The following KCNK2 variants were observed in gnomAD, a reference collection of about 807,000 sequenced individuals.
KCNK2 encodes potassium two pore domain channel subfamily K member 2, also known as potassium channel subfamily K member 2.
A neutral mutation model predicts 40.5 loss-of-function variants in KCNK2; 21 were observed. That is an observed-to-expected ratio of 0.52 (90% CI 0.37 to 0.75). KCNK2 has a LOEUF of 0.75. Among genes scored for constraint, KCNK2 ranks in the 30% least tolerant of loss-of-function variants. The probability of loss-of-function intolerance (pLI) is 0.00; values close to 1 mark genes in which losing one functional copy is unlikely to be tolerated. For missense variants in KCNK2, 399 were observed against 531.6 expected, an observed-to-expected ratio of 0.75 and a Z score of 2.45; for synonymous variants, 191 against 202.2, an observed-to-expected ratio of 0.94 and a Z score of 0.47.
intron 4 of KCNK2, among the ~76,000 whole-genome samples, chr1:215,171,359 T>C (rs755915767): frequency 3.3e-5 from 5 of 152,122 alleles, no homozygotes; most frequent in Non-Finnish European, 7.4e-5. Context: ...TTGTTAGTTA[T>C]ACAATTTAGT....
At chr1:215,046,494 T>G (rs1404535781) in intron 1 of KCNK2, among the ~76,000 whole-genome samples, 1 of 152,094 alleles carries the variant, frequency 6.6e-6, no homozygotes, top group African/African-American at 2.4e-5. Flanking sequence ...ATACTCATTT[T>G]GTTGCTTGTA....
At chr1:215,083,753 C>T (rs1659293064) in intron 1 of KCNK2, 1 of 446,944 alleles carries the variant, frequency 2.2e-6, no homozygotes. Context: ...TCATGGTGAC[C>T]CCGGTCACAC....
At chr1:215,038,452 CCCCT>C (rs1657458125) in intron 1 of KCNK2, among the ~76,000 whole-genome samples, 1 of 152,082 alleles carries the variant, frequency 6.6e-6, no homozygotes, top group Admixed American at 6.6e-5. Context: ...CAGGGAGTAG[CCCCT>C]TCCATTTTCT....
At chr1:215,032,060 A>G (rs1571859142) in intron 1 of KCNK2, among the ~76,000 whole-genome samples, 3 of 151,288 alleles carry the variant, frequency 2.0e-5, no homozygotes, top group East Asian at 3.9e-4. Context: ...TATTGATGCT[A>G]TTATTATTTT....
chr1:215,181,488 C>G (rs1375433000), intron 5 of KCNK2, among the ~76,000 whole-genome samples: 1 of 152,178 alleles, frequency 6.6e-6, no homozygotes, highest in Non-Finnish European at 1.5e-5. Flanking sequence ...ACTGCCACTT[C>G]TAATTATTGT....
chr1:215,045,101 G>A (rs534781767), intron 1 of KCNK2, among the ~76,000 whole-genome samples: 98 of 151,916 alleles, frequency 6.5e-4, no homozygotes, highest in African/African-American at 2.2e-3. Flanking sequence ...GGAGAATGGC[G>A]TGAACCCAGG....
chr1:215,082,870 A>C lies in KCNK2; in HGVS notation c.-516A>C, dbSNP rs1448257665. Among the ~76,000 whole-genome samples, 1 of 151,832 alleles carries C rather than the reference A, an allele frequency of 6.6e-6. No homozygotes were observed. Among genetic ancestry groups the C allele is most frequent in the Admixed American group, 6.6e-5 (1 of 15,264 alleles). On this transcript the variant is annotated 5_prime_UTR_variant, in exon 1 of 7. Coordinates refer to ENST00000444842, the MANE Select transcript of KCNK2 (RefSeq NM_001017425.3). The stretch of plus-strand genomic sequence containing the variant: ...GGGCATTGCGGGGGGAGACACACAA[A>C]GACATGCGAAGAGGGGCTGAACGAG...
intron 1 of KCNK2, among the ~76,000 whole-genome samples, chr1:215,041,491 C>A (rs2102492740): frequency 6.6e-6 from 1 of 152,256 alleles, no homozygotes; most frequent in East Asian, 1.9e-4. Flanking sequence ...GCCAACTTAA[C>A]TTTTTCCTAA....
intron 5 of KCNK2, among the ~76,000 whole-genome samples, chr1:215,177,746 T>C (rs1291387878): frequency 8.6e-6 from 1 of 116,566 alleles, no homozygotes; most frequent in South Asian, 2.4e-4. Flanking sequence ...ATATATTTTT[T>C]TTTTTTGTAG....
At chr1:215,057,582 A>G (rs1184877631) in intron 1 of KCNK2, among the ~76,000 whole-genome samples, 1 of 152,168 alleles carries the variant, frequency 6.6e-6, no homozygotes, top group African/African-American at 2.4e-5. Context: ...TTTCTGCTTG[A>G]ATAGTCTATA....
intron 2 of KCNK2, among the ~76,000 whole-genome samples, chr1:215,113,853 C>A (rs1660808799): frequency 1.3e-5 from 2 of 152,146 alleles, no homozygotes; most frequent in Non-Finnish European, 2.9e-5. Flanking sequence ...AACTCGGCCT[C>A]CCAAAATGCT....
At chr1:215,024,896 C>A (rs1221431153) in intron 1 of KCNK2, among the ~76,000 whole-genome samples, 5 of 150,660 alleles carry the variant, frequency 3.3e-5, no homozygotes, top group Admixed American at 2.0e-4. Context: ...TCTTCTTGCT[C>A]AAACAAATAT....
intron 1 of KCNK2, among the ~76,000 whole-genome samples, chr1:215,006,506 C>T (rs1656133276): frequency 6.6e-6 from 1 of 152,068 alleles, no homozygotes; most frequent in South Asian, 2.1e-4. Context: ...GTTCTTTTTA[C>T]ATTTCCATAG....
chr1:215,066,403 C>T (rs55922125), intron 1 of KCNK2, among the ~76,000 whole-genome samples: 1,761 of 152,082 alleles, frequency 0.012, 38 homozygotes, highest in South Asian at 0.097. Context: ...ATTTTGGCTA[C>T]TGAACGTAAC....
chr1:215,012,447 A>G (rs1239853787), intron 1 of KCNK2, among the ~76,000 whole-genome samples: 1 of 151,000 alleles, frequency 6.6e-6, no homozygotes, highest in Non-Finnish European at 1.5e-5. Context: ...CTTTAGTAAA[A>G]TATCTGTTCA....
intron 5 of KCNK2, among the ~76,000 whole-genome samples, chr1:215,192,664 A>G (rs1312126214): frequency 6.6e-6 from 1 of 152,218 alleles, no homozygotes; most frequent in African/African-American, 2.4e-5. Context: ...ACTATCATGT[A>G]ACAGGTTTAC....
intron 2 of KCNK2, among the ~76,000 whole-genome samples, chr1:215,118,550 C>T (rs761050282): frequency 9.0e-5 from 13 of 144,274 alleles, no homozygotes; most frequent in South Asian, 8.5e-4. Flanking sequence ...TGGCTTCCCC[C>T]GCAAAGAAAT....
In KCNK2 at chr1:215,099,594, G is replaced by C. The variant is rs141533625; in HGVS notation, c.357+12916G>C. Among the ~76,000 whole-genome samples the C allele has an allele frequency of 3.9e-3, 600 of 152,050 alleles. 5 individuals are homozygous for C. Among genetic ancestry groups the C allele is most frequent in the Middle Eastern group, 0.01 (3 of 294 alleles). ...AATGTGTAATGTATTCTTTGGTGAT[G>C]CGGCAGTGAAGGAAAGCTTAGGGAA... is the stretch of plus-strand genomic sequence containing the variant. On this transcript the variant is annotated intron_variant, in intron 2 of 6. Transcript: ENST00000444842.
intron 1 of KCNK2, among the ~76,000 whole-genome samples, chr1:215,052,567 C>T (rs138297894): frequency 2.6e-5 from 4 of 152,262 alleles, no homozygotes; most frequent in African/African-American, 9.6e-5. Context: ...TGTATGCTCA[C>T]ATTTTTTGGT....
Sources: gnomAD v4.1 joint callset for allele counts (sites outside exome capture counted in the v4.1 genomes callset) on GRCh38, gnomAD v4.1.1 for gene constraint, MANE v1.5 for transcripts, NCBI Gene and HGNC (gene_info 2026-07-23, HGNC 2026-07-21) for gene names.